Variants in ATRNL1 observed in about 807,000 individuals in gnomAD.
ATRNL1 encodes the protein attractin like 1, also known as attractin-like protein 1.
In ATRNL1, 95 loss-of-function variants were observed where a neutral mutation model predicts 182.7. The ratio of observed to expected loss-of-function variants is 0.52; its 90% CI spans 0.44 to 0.62. The LOEUF (loss-of-function observed/expected upper bound fraction) is 0.62, where lower values mean the gene tolerates loss of function less well. Ranked by LOEUF, ATRNL1 falls within the 20% of genes least tolerant of loss-of-function variation. ATRNL1 has a pLI of 0.00. For synonymous variants in ATRNL1, 576 were observed against 568.3 expected (o/e 1.01, Z -0.19); for missense variants, 1,471 against 1,679.5 (o/e 0.88, Z 2.17).
intron 18 of ATRNL1, among the ~76,000 whole-genome samples, chr10:115,320,587 C>T (rs1312047981): frequency 6.6e-6 from 1 of 152,008 alleles, no homozygotes; most frequent in Non-Finnish European, 1.5e-5. Flanking sequence ...AGCTTTGTTT[C>T]TTTTCATTCT....
At chr10:115,652,909 A>G (rs576558146) in intron 26 of ATRNL1, among the ~76,000 whole-genome samples, 42 of 152,228 alleles carry the variant, frequency 2.8e-4, no homozygotes, top group Non-Finnish European at 3.1e-4. Context: ...TCAATTTAGT[A>G]AAAAGGAAAG....
intron 24 of ATRNL1, among the ~76,000 whole-genome samples, chr10:115,487,436 C>G (rs1293613710): frequency 6.6e-6 from 1 of 152,130 alleles, no homozygotes; most frequent in Non-Finnish European, 1.5e-5. Flanking sequence ...GTTTGTAGTT[C>G]TCCTTGAGGA....
chr10:115,369,668 C>G (rs1416850979), intron 19 of ATRNL1, among the ~76,000 whole-genome samples: 1 of 152,008 alleles, frequency 6.6e-6, no homozygotes, highest in African/African-American at 2.4e-5. Context: ...CCATAATGGC[C>G]TTATTAATTT....
intron 19 of ATRNL1, among the ~76,000 whole-genome samples, chr10:115,348,576 T>A (rs1366615063): frequency 1.3e-5 from 2 of 152,174 alleles, no homozygotes; most frequent in Non-Finnish European, 2.9e-5. Flanking sequence ...TTTAGTTGAA[T>A]AGAAGAATGG....
chr10:115,602,292 T>G (rs1555016154), intron 26 of ATRNL1, among the ~76,000 whole-genome samples: 1 of 152,138 alleles, frequency 6.6e-6, no homozygotes, highest in Non-Finnish European at 1.5e-5. Context: ...GGTCAGAGGT[T>G]GCAGTGAGCC....
chr10:115,611,862 T>C (rs1436137084), intron 26 of ATRNL1, among the ~76,000 whole-genome samples: 2 of 152,184 alleles, frequency 1.3e-5, no homozygotes, highest in Non-Finnish European at 2.9e-5. Flanking sequence ...ATATGATTTT[T>C]TAAAATTTAT....
chr10:115,871,343 A>G (rs1589630161), intron 28 of ATRNL1, among the ~76,000 whole-genome samples: 1 of 148,844 alleles, frequency 6.7e-6, no homozygotes, highest in African/African-American at 2.5e-5. Flanking sequence ...TCCTTTTAGG[A>G]CTTTTTTTTT....
At chr10:115,724,481 C>A (rs1307431700) in intron 26 of ATRNL1, among the ~76,000 whole-genome samples, 1 of 152,116 alleles carries the variant, frequency 6.6e-6, no homozygotes, top group African/African-American at 2.4e-5. Flanking sequence ...TCACAATGTG[C>A]CAGCCTCTGT....
intron 27 of ATRNL1, among the ~76,000 whole-genome samples, chr10:115,801,071 G>C (rs1555084252): frequency 6.6e-6 from 1 of 152,172 alleles, no homozygotes; most frequent in Non-Finnish European, 1.5e-5. Context: ...CCTAGTCATT[G>C]TCTGCACCTA....
At chr10:115,428,986 A>G (rs1846027913) in intron 21 of ATRNL1, among the ~76,000 whole-genome samples, 1 of 152,108 alleles carries the variant, frequency 6.6e-6, no homozygotes, top group African/African-American at 2.4e-5. Flanking sequence ...TAGAAATTTC[A>G]TTCCTTGACA....
intron 27 of ATRNL1, among the ~76,000 whole-genome samples, chr10:115,754,008 CT>C (rs1316935725): frequency 2.6e-5 from 4 of 152,162 alleles, no homozygotes; most frequent in African/African-American, 9.7e-5. Context: ...CCTTCACCCA[CT>C]TTTTAATGGG....
intron 28 of ATRNL1, among the ~76,000 whole-genome samples, chr10:115,865,009 C>T (rs1329626719): frequency 6.7e-6 from 1 of 149,754 alleles, no homozygotes; most frequent in Non-Finnish European, 1.5e-5. Flanking sequence ...AAAGACCAGA[C>T]AAATCCAAAT....
chr10:115,501,691 A>G (rs996435912), intron 24 of ATRNL1, among the ~76,000 whole-genome samples: 3 of 152,228 alleles, frequency 2.0e-5, no homozygotes, highest in Admixed American at 1.3e-4. Context: ...ATACTAAATT[A>G]TTAGAAGCTA....
chr10:115,408,603 T>C (rs554048837), intron 20 of ATRNL1, among the ~76,000 whole-genome samples: 4 of 152,210 alleles, frequency 2.6e-5, no homozygotes, highest in South Asian at 4.1e-4. Context: ...TTTGCCTTTG[T>C]TGCCTGTGCT....
intron 26 of ATRNL1, among the ~76,000 whole-genome samples, chr10:115,590,494 A>C (rs10509992): frequency 6.6e-6 from 1 of 151,800 alleles, no homozygotes; most frequent in Non-Finnish European, 1.5e-5. Flanking sequence ...ATACATGAAG[A>C]AAATATACTA....
intron 26 of ATRNL1, among the ~76,000 whole-genome samples, chr10:115,626,610 A>G (rs1555024718): frequency 1.3e-5 from 2 of 152,202 alleles, no homozygotes; most frequent in Non-Finnish European, 2.9e-5. Flanking sequence ...GTGACTCTTA[A>G]TCTACTTTTC....
intron 19 of ATRNL1, among the ~76,000 whole-genome samples, chr10:115,391,194 C>T (rs560297755): frequency 4.0e-4 from 61 of 152,168 alleles, no homozygotes; most frequent in African/African-American, 1.4e-3. Flanking sequence ...ACTTTTAGTA[C>T]TACATTGAAC....
intron 10 of ATRNL1, among the ~76,000 whole-genome samples, chr10:115,254,930 A>C (rs1298174048): frequency 1.3e-5 from 2 of 152,176 alleles, no homozygotes; most frequent in African/African-American, 4.8e-5. Flanking sequence ...AGGTTTGTCA[A>C]AGATCAGATG....
At chr10:115,745,554 A>C (rs1948267185) in intron 27 of ATRNL1, among the ~76,000 whole-genome samples, 2 of 152,176 alleles carry the variant, frequency 1.3e-5, no homozygotes, top group Admixed American at 6.5e-5. Context: ...TCCAAAGTGT[A>C]TATGCCATTT....
Sources: gnomAD v4.1 joint callset for allele counts (sites outside exome capture counted in the v4.1 genomes callset) on GRCh38, gnomAD v4.1.1 for gene constraint, MANE v1.5 for transcripts, NCBI Gene and HGNC (gene_info 2026-07-23, HGNC 2026-07-21) for gene names.